FNBP1L: variants seen among roughly 807,000 people sequenced by gnomAD.
The protein encoded by FNBP1L is formin-binding protein 1-like.
Under a neutral mutation model 91.2 loss-of-function variants are expected in FNBP1L, and 36 were observed. The ratio of observed to expected loss-of-function variants is 0.39; its 90% confidence interval spans 0.30 to 0.52. The LOEUF (loss-of-function observed/expected upper bound fraction) is 0.52. FNBP1L is among the 20% of genes least tolerant of loss of function. The pLI is 0.66. For synonymous variants in FNBP1L, 242 were observed against 237.0 expected (o/e 1.02, Z -0.19); for missense variants, 571 against 732.1 (o/e 0.78, Z 2.54).
intron 12 of FNBP1L, 40 bp from the exon 13 acceptor site, chr1:93,546,802 G>A (rs572480808): frequency 6.2e-7 from 1 of 1,604,192 alleles, no homozygotes; most frequent in Non-Finnish European, 8.5e-7. Context: ...GGAAGCATAT[G>A]AAGTTAATAT....
chr1:93,537,517 CATT>C (rs1468955570), intron 10 of FNBP1L, among the ~76,000 whole-genome samples: 1 of 152,072 alleles, frequency 6.6e-6, no homozygotes, highest in Non-Finnish European at 1.5e-5. Flanking sequence ...TGCTTTAAAA[CATT>C]ATGACAAACT....
chr1:93,547,212 C>T, intron 13 of FNBP1L, 135 bp from the exon 14 acceptor site: 1 of 884,654 alleles, frequency 1.1e-6, no homozygotes, highest in East Asian at 2.7e-5. Context: ...ATCCTTTGAC[C>T]AGTTTGGAAT....
intron 1 of FNBP1L, among the ~76,000 whole-genome samples, chr1:93,450,455 A>G (rs1668456683): frequency 6.6e-6 from 1 of 152,230 alleles, no homozygotes; most frequent in Non-Finnish European, 1.5e-5. Flanking sequence ...ATGTAGAGTG[A>G]ACTAATATCA....
In FNBP1L at chr1:93,499,509, T is replaced by C. The variant is rs1557793688; in HGVS notation, c.66T>C (p.Ile22=). The part of the protein sequence containing the change: ...DSLDKHTQWG[I]DFLERYAKFV... ...TAGACAAGCATACACAATGGGGAATTGACTTCTTGGAAAGATATGCCAAAT... is the reference window on the plus strand; with the variant it reads ...TAGACAAGCATACACAATGGGGAATCGACTTCTTGGAAAGATATGCCAAAT... The change falls in exon 2 of 17, where the codon ATT becomes ATC. Residue 22 remains isoleucine (I), a synonymous_variant. Coordinates refer to ENST00000271234, the MANE Select transcript of FNBP1L (RefSeq NM_001164473.3). The C allele has an allele frequency of 6.2e-7, 1 of 1,606,230 alleles. No homozygotes were observed.
In FNBP1L at chr1:93,459,475, T is replaced by A. The variant is rs143327223; in HGVS notation, c.24+11170T>A. 3.4e-3 allele frequency among the ~76,000 whole-genome samples: 517 copies of A among 152,190 alleles called. 1 individual carries two copies. The highest frequency in any genetic ancestry group is 0.011 in the African/African-American group (460 of 41,528). On this transcript the variant is annotated intron_variant, in intron 1 of 16. Coordinates refer to ENST00000271234, the MANE Select transcript of FNBP1L (RefSeq NM_001164473.3). The stretch of plus-strand genomic sequence containing the variant: ...ATTGGCCAACATGTATATGAAAAAA[T>A]GCTCAACATCTCTGATCATCAGGGA...
intron 2 of FNBP1L, among the ~76,000 whole-genome samples, chr1:93,511,965 CAAAAAAAAAA>C: frequency 1.5e-5 from 1 of 66,298 alleles, no homozygotes; most frequent in African/African-American, 5.7e-5. Flanking sequence ...GACTCCGTCT[CAAAAAAAAAA>C]AAAAAAAAAA....
intron 1 of FNBP1L, among the ~76,000 whole-genome samples, chr1:93,479,986 G>A (rs1341342117): frequency 6.6e-6 from 1 of 152,168 alleles, no homozygotes; most frequent in East Asian, 1.9e-4. Flanking sequence ...AACTGTCCAG[G>A]AAATCTTCAC....
intron 15 of FNBP1L, 72 bp from the exon 16 acceptor site, chr1:93,550,875 G>A: frequency 1.5e-6 from 2 of 1,331,328 alleles, no homozygotes; most frequent in Non-Finnish European, 2.0e-6. Context: ...ATTGTATTTT[G>A]TGCATTGTAT....
At chr1:93,519,645 T>C (rs887579537) in intron 2 of FNBP1L, among the ~76,000 whole-genome samples, 1 of 152,202 alleles carries the variant, frequency 6.6e-6, no homozygotes, top group Non-Finnish European at 1.5e-5. Flanking sequence ...TAGTGACATA[T>C]TAAATATCAG....
At chr1:93,462,252 A>G (rs1425692814) in intron 1 of FNBP1L, among the ~76,000 whole-genome samples, 1 of 152,210 alleles carries the variant, frequency 6.6e-6, no homozygotes, top group Non-Finnish European at 1.5e-5. Flanking sequence ...TCTACAGAGA[A>G]TAAGAGGCCA....
At chr1:93,473,660 G>C (rs768608618) in intron 1 of FNBP1L, among the ~76,000 whole-genome samples, 2 of 152,178 alleles carry the variant, frequency 1.3e-5, no homozygotes, top group South Asian at 2.1e-4. Context: ...TGAGCTTAAC[G>C]TGTATTTGAA....
At chr1:93,471,322 G>A (rs185141053) in intron 1 of FNBP1L, among the ~76,000 whole-genome samples, 3 of 152,200 alleles carry the variant, frequency 2.0e-5, no homozygotes, top group East Asian at 3.9e-4. Context: ...CTCAATCTGT[G>A]GAACGTTAGT....
intron 1 of FNBP1L, among the ~76,000 whole-genome samples, chr1:93,477,522 T>C (rs550793561): frequency 6.6e-6 from 1 of 152,328 alleles, no homozygotes; most frequent in East Asian, 1.9e-4. Context: ...CTGCAAACTT[T>C]CGGGTGCACT....
intron 1 of FNBP1L, among the ~76,000 whole-genome samples, chr1:93,458,157 T>A (rs1304087527): frequency 1.3e-5 from 2 of 152,214 alleles, no homozygotes; most frequent in East Asian, 3.8e-4. Flanking sequence ...CTGTGTTTTT[T>A]TGGTTTTGTT....
Position 93,552,447 on chromosome 1 carries a change from T to A in FNBP1L, c.*31T>A. On this transcript the variant is annotated 3_prime_UTR_variant, in exon 17 of 17. Transcript: ENST00000271234. ...GTTTCTGAGGAAATGGGCAAGATGT[T>A]GAAGGAGGTTACATGCAGCTGCTTT... 1.2e-6 allele frequency: 2 copies of A among 1,612,188 alleles called. No individual in the cohort carries two copies. The highest frequency in any genetic ancestry group is 1.7e-6 in the Non-Finnish European group (2 of 1,179,108).
At chr1:93,521,802 T>A (rs1019593524) in intron 2 of FNBP1L, among the ~76,000 whole-genome samples, 3 of 152,236 alleles carry the variant, frequency 2.0e-5, no homozygotes, top group Non-Finnish European at 4.4e-5. Flanking sequence ...TTCTTCCTCT[T>A]AACTATTTTC....
Position 93,550,905 on chromosome 1 carries a change from T to G in FNBP1L, c.1652-42T>G, listed in dbSNP as rs1006278515. ...TTGTATTAGTAACTTTAAAAAAAAT[T>G]ATCACAATGCTTAAATTATGCTTGT... On this transcript the variant is annotated intron_variant, in intron 15 of 16. Transcript: ENST00000271234. 2.0e-6 allele frequency: 3 copies of G among 1,472,680 alleles called. No individual in the cohort carries two copies. In the South Asian group the frequency reaches 4.6e-5, roughly 22 times the overall value. The allele number at this position is 1,472,680 out of a possible 1,614,324, so 91.2% of individuals were successfully genotyped here.
intron 1 of FNBP1L, among the ~76,000 whole-genome samples, chr1:93,449,927 G>A (rs902585087): frequency 6.6e-6 from 1 of 151,902 alleles, no homozygotes; most frequent in Non-Finnish European, 1.5e-5. Context: ...GCCTACCAGA[G>A]TGCATTCATT....
At chr1:93,551,740 G>A (rs1672422652) in intron 16 of FNBP1L, 1 of 984,608 alleles carries the variant, frequency 1.0e-6, no homozygotes, top group Non-Finnish European at 1.2e-6. Context: ...TAAATCTCCT[G>A]GTCTAGCTCT....
Sources: allele counts gnomAD v4.1 joint callset (sites outside exome capture counted in the v4.1 genomes callset), GRCh38; gene constraint gnomAD v4.1.1; transcripts MANE v1.5; gene names NCBI Gene and HGNC (gene_info 2026-07-23, HGNC 2026-07-21).